ZBTB45: variants seen among roughly 807,000 people sequenced by gnomAD.
ZBTB45 encodes zinc finger and BTB domain containing 45.
In ZBTB45, 22 loss-of-function variants were observed where a neutral mutation model predicts 28.4. That is an observed-to-expected ratio of 0.77 (90% CI 0.55 to 1.10). ZBTB45 has a LOEUF of 1.10. Among genes scored for constraint, ZBTB45 ranks in the 50% least tolerant of loss-of-function variants. The pLI, the probability that ZBTB45 is intolerant of heterozygous loss-of-function variation, is 0.00. For synonymous variants in ZBTB45, 361 were observed against 332.3 expected (o/e 1.09, Z -0.94); for missense variants, 656 against 750.2 (o/e 0.87, Z 1.47).
chr19:58,522,007 A>G (rs1175425488), upstream of ZBTB45, among the ~76,000 whole-genome samples: 3 of 152,034 alleles, frequency 2.0e-5, no homozygotes, highest in Non-Finnish European at 4.4e-5. Context: ...GAAAATATGT[A>G]CCAGGTGGGA....
rs199511892 is a variant in ZBTB45, at chr19:58,516,600, G to A, written c.1074C>T (p.Pro358=). The A allele has an allele frequency of 1.7e-3, 2,704 of 1,563,586 alleles. 12 individuals are homozygous for A. The highest frequency in any genetic ancestry group is 3.2e-3 in the South Asian group (267 of 83,646). ...CGGGCTGGAGTGTGGGGTAGAAGGC[G>A]GGTGGGGGCGCAGGGGCTGGCCCCG... is the stretch of plus-strand genomic sequence containing the variant. ...APSGPAPAPP[P]AFYPTLQPEA... The change falls in exon 2 of 3, where the codon CCC becomes CCT. Residue 358 remains proline (P), a synonymous_variant. Transcript: ENST00000594051. The surrounding 1 kb of genome is among the most constrained non-coding windows in gnomAD (Gnocchi z 6.2).
intron 1 of ZBTB45, among the ~76,000 whole-genome samples, chr19:58,526,367 G>A (rs2053606726): frequency 6.6e-6 from 1 of 151,516 alleles, no homozygotes; most frequent in Non-Finnish European, 1.5e-5. Context: ...CTGCCACCAT[G>A]TCCAGTTAAT....
At chr19:58,527,371 T>C (rs2053613380) in intron 1 of ZBTB45, among the ~76,000 whole-genome samples, 3 of 152,186 alleles carry the variant, frequency 2.0e-5, no homozygotes, top group Admixed American at 2.0e-4. Context: ...ACCACTGTCC[T>C]GTTTTAGAAC....
chr19:58,523,088 G>A (rs2053586925), upstream of ZBTB45, among the ~76,000 whole-genome samples: 2 of 152,118 alleles, frequency 1.3e-5, no homozygotes, highest in Admixed American at 1.3e-4. Context: ...ATGGGGCCTG[G>A]AGGATTAGGG....
chr19:58,536,756 T>A (rs1843129296), intron 1 of ZBTB45, among the ~76,000 whole-genome samples: 1 of 151,842 alleles, frequency 6.6e-6, no homozygotes, highest in Admixed American at 6.6e-5. Flanking sequence ...TGCACACGTG[T>A]GGGGTTTGGG....
Position 58,515,326 on chromosome 19 carries a change from A to T in ZBTB45, c.1280-1016T>A, listed in dbSNP as rs1001702942. 1.6e-4 allele frequency among the ~76,000 whole-genome samples: 6 copies of T among 37,848 alleles called. No individual in the cohort carries two copies. Among genetic ancestry groups the T allele is most frequent in the Admixed American group, 5.2e-4 (2 of 3,830 alleles). 24.8% of individuals were successfully genotyped at this position (37,848 alleles called of 152,430 possible). ...GGGAGACTCGGTCTCAAAAAAAATT[A>T]AAAAAAAAAAAACCCTATCTCAGTG... On this transcript the variant is annotated intron_variant, in intron 2 of 2. Transcript: ENST00000594051. The surrounding 1 kb of genome is among the most constrained non-coding windows in gnomAD (Gnocchi z 4.7).
chr19:58,529,683 C>A (rs1190458937), intron 1 of ZBTB45, among the ~76,000 whole-genome samples: 1 of 152,184 alleles, frequency 6.6e-6, no homozygotes, highest in East Asian at 1.9e-4. Context: ...TAGGTATACA[C>A]ATGCCATGGT....
At chr19:58,536,185 G>C (rs2053659163) in intron 1 of ZBTB45, among the ~76,000 whole-genome samples, 1 of 151,988 alleles carries the variant, frequency 6.6e-6, no homozygotes, top group African/African-American at 2.4e-5. Flanking sequence ...ACAAAAATTG[G>C]CTGGGTATGA....
At chr19:58,527,044 C>G (rs1019013225) in intron 1 of ZBTB45, among the ~76,000 whole-genome samples, 1 of 152,184 alleles carries the variant, frequency 6.6e-6, no homozygotes. Flanking sequence ...GCCCCAACCC[C>G]CTATTGTGGG....
chr19:58,521,999 A>G (rs944713715), upstream of ZBTB45, among the ~76,000 whole-genome samples: 1 of 152,004 alleles, frequency 6.6e-6, no homozygotes, highest in African/African-American at 2.4e-5. Context: ...AGGGGGAGGA[A>G]AATATGTACC....
rs1452273597 is a variant in ZBTB45 at position 58,514,111 on chromosome 19, C to T, written c.1479G>A (p.Lys493=). The T allele has an allele frequency of 1.2e-6, 2 of 1,601,282 alleles. No individual in the cohort carries two copies. Among genetic ancestry groups the T allele is most frequent in the South Asian group, 1.1e-5 (1 of 90,288 alleles). ...CCAGCAGCGCGCGGTGCGAGAAGACCTTGCCGCAGGCGGGGCAGGGCGCGC... is the reference window on the plus strand; with the variant it reads ...CCAGCAGCGCGCGGTGCGAGAAGACTTTGCCGCAGGCGGGGCAGGGCGCGC... The part of the protein sequence containing the change: ...PERAPCPACG[K]VFSHRALLER... Residue 493 remains lysine (K), a synonymous_variant, in exon 3 of 3, where the codon AAG becomes AAA. Coordinates refer to ENST00000594051, the MANE Select transcript of ZBTB45 (RefSeq NM_001316979.2).
At chr19:58,527,424 C>A (rs895306711) in intron 1 of ZBTB45, among the ~76,000 whole-genome samples, 1 of 152,186 alleles carries the variant, frequency 6.6e-6, no homozygotes, top group Non-Finnish European at 1.5e-5. Flanking sequence ...ATTTCCTGAG[C>A]GTCCCCACCC....
At chr19:58,538,697 T>G (rs1351914337) in intron 1 of ZBTB45, 1 of 152,124 alleles carries the variant, frequency 6.6e-6, no homozygotes, top group Non-Finnish European at 1.5e-5. Flanking sequence ...CTAGCCACCT[T>G]TACCTGTGCG....
chr19:58,514,337 C>G, intron 2 of ZBTB45, 27 bp from the exon 3 acceptor site: 1 of 1,579,460 alleles, frequency 6.3e-7, no homozygotes, highest in Non-Finnish European at 8.6e-7. Context: ...GGGCCGCGAA[C>G]GCAAGTCAGA....
rs542942989 is a variant in ZBTB45, at chr19:58,537,698, T to A, written c.-1+1003A>T. 5.3e-5 allele frequency among the ~76,000 whole-genome samples: 8 copies of A among 152,242 alleles called. No homozygotes were observed. In the East Asian group the frequency reaches 1.5e-3, roughly 29 times the overall value. The stretch of plus-strand genomic sequence containing the variant: ...ACACTTTGTACCATAGTATTAATAT[T>A]TTGACCTTCTGGCCCTGGTACCCTT... On this transcript the variant is annotated intron_variant, in intron 1 of 1. Transcript: ENST00000600130.
upstream of ZBTB45, among the ~76,000 whole-genome samples, chr19:58,524,439 G>A (rs1021714373): frequency 1.5e-5 from 2 of 134,688 alleles, no homozygotes; most frequent in African/African-American, 3.1e-5. Context: ...TCATATATGT[G>A]TGTGTGTGTG....
rs1568638631 is a variant in ZBTB45, at chr19:58,514,218, C to G, written c.1372G>C (p.Ala458Pro). ...TTGGCGCAGACGGCGCACTGGAAGG[C>G]GCGCACGCCGGTGTGCGTGACCATG... Reference protein sequence around the residue: ...KHMVTHTGVRAFQCAVCAKRF... With the variant: ...KHMVTHTGVRPFQCAVCAKRF... Residue 458 changes from alanine to proline, a missense_variant, in exon 3 of 3, where the codon GCC (alanine) becomes CCC (proline). This residue lies in a region of ZBTB45 where 103 missense variants were observed against 153.5 expected (regional missense o/e 0.67). Transcript: ENST00000594051. 1.2e-6 allele frequency: 2 copies of G among 1,612,558 alleles called. No homozygotes were observed. Among genetic ancestry groups the G allele is most frequent in the Admixed American group, 3.3e-5 (2 of 59,988 alleles).
intron 1 of ZBTB45, among the ~76,000 whole-genome samples, chr19:58,538,144 A>C (rs1170611271): frequency 6.6e-6 from 1 of 151,624 alleles, no homozygotes; most frequent in East Asian, 1.9e-4. Context: ...GGCCACAGCA[A>C]ATATTCCTAA....
upstream of ZBTB45, chr19:58,520,204 G>GC (rs2122574855): frequency 6.6e-6 from 1 of 152,310 alleles, no homozygotes; most frequent in Admixed American, 6.5e-5. Flanking sequence ...TCGGTCCCTG[G>GC]CCGCCAGGAG....
Sources: gnomAD v4.1 joint callset for allele counts (sites outside exome capture counted in the v4.1 genomes callset) on GRCh38, gnomAD v4.1.1 for gene constraint, gnomAD v4.1.1 regional missense constraint, Gnocchi (gnomAD v3.1) non-coding constraint, MANE v1.5 for transcripts, NCBI Gene and HGNC (gene_info 2026-07-23, HGNC 2026-07-21) for gene names.